Variants in NEDD9 observed in about 807,000 individuals in gnomAD.
The protein encoded by NEDD9 is enhancer of filamentation 1.
NEDD9 carries 26 observed loss-of-function variants against 76.6 expected under a neutral mutation model. The observed-to-expected ratio is 0.34, with a 90% CI of 0.25 to 0.47. NEDD9 has a LOEUF of 0.47. NEDD9 is among the 20% of genes least tolerant of loss of function. The pLI, the probability that NEDD9 is intolerant of heterozygous loss-of-function variation, is 1.00. For synonymous variants in NEDD9, 392 were observed against 414.2 expected (o/e 0.95, Z 0.65); for missense variants, 937 against 1,058.5 (o/e 0.89, Z 1.59).
intron 1 of NEDD9, among the ~76,000 whole-genome samples, chr6:11,379,454 G>A (rs1326857878): frequency 1.3e-5 from 2 of 152,036 alleles, no homozygotes; most frequent in Non-Finnish European, 2.9e-5. Context: ...CAGGTGTGAT[G>A]GTGGGCACCT....
intron 1 of NEDD9, among the ~76,000 whole-genome samples, chr6:11,340,941 C>T (rs1300297611): frequency 6.6e-6 from 1 of 152,162 alleles, no homozygotes; most frequent in African/African-American, 2.4e-5. Context: ...ACCTACTGTC[C>T]TACTCTCTCT....
intron 2 of NEDD9, among the ~76,000 whole-genome samples, chr6:11,312,712 T>TATATATATA (rs1439587093): frequency 6.8e-6 from 1 of 147,170 alleles, no homozygotes; most frequent in African/African-American, 2.5e-5. Context: ...ATATATATAT[T>TATATATATA]TTTAAAGAGT....
chr6:11,207,892 G>A (rs188883893), intron 2 of NEDD9, among the ~76,000 whole-genome samples: 2 of 152,280 alleles, frequency 1.3e-5, no homozygotes, highest in East Asian at 1.9e-4. Context: ...AGTAGAAAAA[G>A]TTAGGCCAGG....
exon 2 of NEDD9, chr6:11,334,543 T>C (rs1026113185): frequency 4.6e-5 from 7 of 152,236 alleles, no homozygotes; most frequent in Non-Finnish European, 2.9e-5. Context: ...TCAGTTTCTT[T>C]CCCCATTATT....
chr6:11,329,474 C>A (rs1041130704), intron 2 of NEDD9, among the ~76,000 whole-genome samples: 1 of 152,182 alleles, frequency 6.6e-6, no homozygotes, highest in East Asian at 1.9e-4. Context: ...AGGGTTTTGA[C>A]GCACAGGACA....
At chr6:11,330,156 G>A (rs893243872) in intron 2 of NEDD9, among the ~76,000 whole-genome samples, 12 of 152,120 alleles carry the variant, frequency 7.9e-5, no homozygotes, top group African/African-American at 2.9e-4. Context: ...TACTCTGTTA[G>A]GCAGCACGAG....
At chr6:11,280,478 C>T (rs1027025988) in intron 3 of NEDD9, among the ~76,000 whole-genome samples, 4 of 152,314 alleles carry the variant, frequency 2.6e-5, no homozygotes, top group African/African-American at 7.2e-5. Flanking sequence ...TGGCTGGCCC[C>T]CACCATGGGG....
chr6:11,276,696 G>A (rs1760423589), intron 3 of NEDD9, among the ~76,000 whole-genome samples: 1 of 152,124 alleles, frequency 6.6e-6, no homozygotes, highest in African/African-American at 2.4e-5. Flanking sequence ...TTGCAGAAGG[G>A]CATCTGAGTA....
intron 1 of NEDD9, among the ~76,000 whole-genome samples, chr6:11,379,822 C>T (rs1434877786): frequency 1.3e-5 from 2 of 152,138 alleles, no homozygotes; most frequent in East Asian, 1.9e-4. Flanking sequence ...AGTAAGGAGC[C>T]AAGAGTTAGA....
rs1001351738 is a variant in NEDD9, at chr6:11,370,846, C to T, written c.-214+11293G>A. ...CCATAAGCCAGTACGTCAGTCTGCA[C>T]GGCGTCGGGTGGTGTTGAGGACAGG... On this transcript the variant is annotated intron_variant, in intron 1 of 3. Transcript: ENST00000397378. The surrounding 1 kb of genome is among the most constrained non-coding windows in gnomAD (Gnocchi z 4.2). 1.3e-5 allele frequency among the ~76,000 whole-genome samples: 2 copies of T among 152,188 alleles called. No individual in the cohort carries two copies. The highest frequency in any genetic ancestry group is 2.4e-5 in the African/African-American group (1 of 41,438).
upstream of NEDD9, chr6:11,233,580 T>C (rs750550099): frequency 2.7e-5 from 14 of 511,908 alleles, no homozygotes; most frequent in Non-Finnish European, 5.5e-5. Context: ...CCAACACTTA[T>C]TATCCAGGAG....
chr6:11,343,245 T>A (rs1242984385), intron 1 of NEDD9, among the ~76,000 whole-genome samples: 1 of 152,036 alleles, frequency 6.6e-6, no homozygotes, highest in East Asian at 1.9e-4. Flanking sequence ...CTGACTAACA[T>A]GGTGAAACCC....
intron 2 of NEDD9, among the ~76,000 whole-genome samples, chr6:11,322,029 A>T (rs969000893): frequency 6.6e-6 from 1 of 152,186 alleles, no homozygotes; most frequent in Non-Finnish European, 1.5e-5. Flanking sequence ...CTTTACAGGG[A>T]CATGGATGAA....
chr6:11,366,861 C>A (rs1046792292), intron 1 of NEDD9, among the ~76,000 whole-genome samples: 2 of 152,104 alleles, frequency 1.3e-5, no homozygotes, highest in Admixed American at 6.5e-5. Flanking sequence ...GTGGGAGATA[C>A]AATAAACATG....
chr6:11,261,812 TA>T (rs76643213), intron 3 of NEDD9, among the ~76,000 whole-genome samples: 52,007 of 151,908 alleles, frequency 0.34, 9,458 homozygotes, highest in African/African-American at 0.48. Context: ...CCCAAACAAC[TA>T]AAAGTCTGTG....
At chr6:11,245,213 A>G (rs1021167051) in intron 3 of NEDD9, among the ~76,000 whole-genome samples, 1 of 152,212 alleles carries the variant, frequency 6.6e-6, no homozygotes, top group South Asian at 2.1e-4. Context: ...CTATGATGGC[A>G]GAAATAGAAA....
At chr6:11,372,203 T>C (rs1762891293) in intron 1 of NEDD9, among the ~76,000 whole-genome samples, 1 of 151,780 alleles carries the variant, frequency 6.6e-6, no homozygotes, top group Non-Finnish European at 1.5e-5. Flanking sequence ...CTTTATGAGT[T>C]CAATTATTTT....
chr6:11,244,400 G>A (rs1759768748), intron 3 of NEDD9, among the ~76,000 whole-genome samples: 1 of 151,924 alleles, frequency 6.6e-6, no homozygotes, highest in South Asian at 2.1e-4. Flanking sequence ...TTCTATTTAT[G>A]TCCCTACCAG....
chr6:11,298,870 G>A (rs999430939), intron 3 of NEDD9, among the ~76,000 whole-genome samples: 2 of 152,146 alleles, frequency 1.3e-5, no homozygotes, highest in African/African-American at 4.8e-5. Context: ...GCGGGCTATT[G>A]TCCAAGATGG....
Sources: allele counts gnomAD v4.1 joint callset (sites outside exome capture counted in the v4.1 genomes callset), GRCh38; gene constraint gnomAD v4.1.1; non-coding constraint Gnocchi (gnomAD v3.1); transcripts MANE v1.5; gene names NCBI Gene and HGNC (gene_info 2026-07-23, HGNC 2026-07-21).